MMP19: variants seen among roughly 807,000 people sequenced by gnomAD.
MMP19 encodes matrix metalloproteinase-19.
Under a neutral mutation model 46.6 loss-of-function variants are expected in MMP19, and 47 were observed. That is an observed-to-expected ratio of 1.01 (90% CI 0.80 to 1.29). The LOEUF (loss-of-function observed/expected upper bound fraction) is 1.29. MMP19 is among the 50% of genes most tolerant of loss of function. The pLI is 0.00. For missense variants in MMP19, 589 were observed against 643.5 expected (o/e 0.92, Z 0.92); for synonymous variants, 222 against 248.5 (o/e 0.89, Z 1.00).
chr12:55,842,299 GGAA>G, intron 2 of MMP19, 51 bp downstream of exon 2: 19 of 1,436,270 alleles, frequency 1.3e-5, no homozygotes, highest in Non-Finnish European at 1.8e-5. Context: ...GGGATGAGAA[GGAA>G]GAAGACCTTG....
At chr12:55,837,776 C>T (rs1285641871) in intron 7 of MMP19, 67 bp downstream of exon 7, 1 of 1,596,812 alleles carries the variant, frequency 6.3e-7, no homozygotes, top group Non-Finnish European at 8.5e-7. Context: ...TTCTCATCTC[C>T]CTCCCTTTTA....
Position 55,840,734 on chromosome 12 carries a change from C to T in MMP19, c.453G>A (p.Ala151=), listed in dbSNP as rs768729991. 1.9e-5 allele frequency: 30 copies of T among 1,613,904 alleles called. No individual in the cohort carries two copies. The highest frequency in any genetic ancestry group is 1.0e-4 in the Admixed American group (6 of 59,976). ...PLTFQEVQAG[A]ADIRLSFHGR... ...CATGGAAGGAGAGGCGGATGTCAGC[C>T]GCACCAGCCTGCACCTCTTGGAAGG... The change falls in exon 4 of 9, where the codon GCG becomes GCA. Residue 151 remains alanine (A), a synonymous_variant. Coordinates refer to ENST00000322569, the MANE Select transcript of MMP19 (RefSeq NM_002429.6).
At position 55,836,119 on chromosome 12, in the gene MMP19, T is replaced by G. The variant is rs949922959; in HGVS notation, c.*917A>C. The G allele has an allele frequency of 3.3e-5, 5 of 152,250 alleles. No individual in the cohort carries two copies. Among genetic ancestry groups the G allele is most frequent in the African/African-American group, 1.2e-4 (5 of 41,446 alleles). 9.4% of individuals were successfully genotyped at this position (152,250 alleles called of 1,614,324 possible). On this transcript the variant is annotated 3_prime_UTR_variant, in exon 9 of 9. Coordinates refer to ENST00000322569, the MANE Select transcript of MMP19 (RefSeq NM_002429.6). ...CTAACTCTTCCCCCTCTGACTCTCC[T>G]GCGCAGGGTCTGTTCCTGGTTTCCC...
Position 55,838,002 on chromosome 12 carries a change from G to A in MMP19, c.901C>T (p.Arg301Cys), listed in dbSNP as rs752217104. The A allele has an allele frequency of 1.6e-5, 26 of 1,581,090 alleles. No individual in the cohort carries two copies. Among genetic ancestry groups the A allele is most frequent in the Admixed American group, 8.7e-5 (5 of 57,448 alleles). ...SELDAMMLGP[R>C]GKTYAFKGDY... ...CCCTTGAAAGCATAGGTCTTCCCAC[G>A]GGGCCCTGAGCGTAATGGTGTGTCA... Residue 301 changes from arginine (R) to cysteine (C), a missense_variant, in exon 7 of 9, where the codon CGT becomes TGT. Arg to Cys is a radical substitution (Grantham distance 180, BLOSUM62 -3). Transcript: ENST00000322569.
intron 2 of MMP19, 147 bp from the exon 3 acceptor site, chr12:55,841,383 TCCTCA>T: frequency 2.6e-6 from 2 of 781,550 alleles, no homozygotes; most frequent in Non-Finnish European, 4.1e-6. Flanking sequence ...CAGCCTCCAG[TCCTCA>T]TAACTGGGAC....
rs947691718 is a variant in MMP19, at chr12:55,839,538, T to A, written c.724A>T (p.Lys242Ter). 1 of 1,613,426 alleles carries A rather than the reference T, an allele frequency of 6.2e-7. No homozygotes were observed. Among genetic ancestry groups the A allele is most frequent in the Non-Finnish European group, 8.5e-7 (1 of 1,179,466 alleles). Reference sequence around the variant, plus strand: ...CCTGCCACATCATCTGGGTGCAGCTTAAAGTGGGGCCGGTAGCCCTCGTAG... The same window carrying A: ...CCTGCCACATCATCTGGGTGCAGCTAAAAGTGGGGCCGGTAGCCCTCGTAG... ...PVYEGYRPHFKLHPDDVAGIQ... is the reference protein window; with the variant it reads ...PVYEGYRPHF Residue 242 changes from lysine (K) to a stop codon, truncating the protein, a stop_gained, in exon 5 of 9, where the codon AAG becomes TAG. Coordinates refer to ENST00000322569, the MANE Select transcript of MMP19 (RefSeq NM_002429.6). LOFTEE classifies it high-confidence loss of function.
At position 55,840,880 on chromosome 12, in the gene MMP19, G is replaced by A. The variant is rs17844794; in HGVS notation, c.307C>T (p.Arg103Cys). The A allele has an allele frequency of 1.5e-3, 2,364 of 1,578,920 alleles. 29 individuals carry two copies. The African/African-American group carries it at 0.029, about 19-fold the overall frequency. ...AAAGTCAGGTGCTTCTTTCTCCAGC[G>A]GCCTAGTTAATGACCAGAAAACAGA... Reference protein sequence around the residue: ...QKTLKYLLLGRWRKKHLTFRI... With the variant: ...QKTLKYLLLGCWRKKHLTFRI... The change falls in exon 4 of 9, where the codon CGC (arginine) becomes TGC (cysteine). Residue 103 changes from arginine to cysteine, a missense_variant and splice_region_variant. Physicochemically the swap from Arg to Cys is radical, Grantham distance 180 (BLOSUM62 -3). Coordinates refer to ENST00000322569, the MANE Select transcript of MMP19 (RefSeq NM_002429.6).
In MMP19 at chr12:55,841,116, G is replaced by A. The variant is rs1881661651; in HGVS notation, c.294C>T (p.Tyr98=). ...EDPFNQKTLK[Y]LLLGRWRKKH... is the part of the protein sequence containing the mutation. ...AGGCTCTGTTCTCACCCAGCAACAG[G>A]TATTTAAGGGTCTTCTGGTTGAAGG... is the stretch of plus-strand genomic sequence containing the variant. The change falls in exon 3 of 9, where the codon TAC becomes TAT. Residue 98 remains tyrosine, a synonymous_variant. Coordinates refer to ENST00000322569, the MANE Select transcript of MMP19 (RefSeq NM_002429.6). 6.2e-7 allele frequency: 1 copy of A among 1,612,278 alleles called. No homozygotes were observed. The highest frequency in any genetic ancestry group is 1.3e-5 in the African/African-American group (1 of 74,844).
chr12:55,840,926 G>T, intron 3 of MMP19, 44 bp from the exon 4 acceptor site: 1 of 1,538,782 alleles, frequency 6.5e-7, no homozygotes. Flanking sequence ...AGATCCTTCT[G>T]CCAACCCCAG....
chr12:55,838,377 A>C, intron 6 of MMP19: 1 of 860,658 alleles, frequency 1.2e-6, no homozygotes, highest in Non-Finnish European at 1.9e-6. Flanking sequence ...GATGTGTTCT[A>C]GTGGCCCTTA....
chr12:55,842,473 G>T, intron 1 of MMP19, 35 bp from the exon 2 acceptor site: 1 of 1,507,294 alleles, frequency 6.6e-7, no homozygotes, highest in Non-Finnish European at 9.2e-7. Flanking sequence ...GGTTAAAAGG[G>T]GGTTAGTCTC....
At chr12:55,842,582 G>A in intron 1 of MMP19, 144 bp from the exon 2 acceptor site, 1 of 871,056 alleles carries the variant, frequency 1.1e-6, no homozygotes. Flanking sequence ...GGGCTCAGGT[G>A]GAACAAGGGG....
intron 1 of MMP19, 33 bp downstream of exon 1, chr12:55,842,711 C>A (rs373082562): frequency 6.4e-7 from 1 of 1,552,128 alleles, no homozygotes; most frequent in Non-Finnish European, 8.8e-7. Flanking sequence ...CCTGTCCCTC[C>A]GCTGGCCCAG....
chr12:55,836,729 T>G lies in MMP19; in HGVS notation c.*307A>C, dbSNP rs1280952728. ...CCACCATTGACCTCCAGAGAAGAGA[T>G]GACACAGTTGGAAGGGCTGTCTAAG... On this transcript the variant is annotated 3_prime_UTR_variant, in exon 9 of 9. Transcript: ENST00000322569. 1 of 232,904 alleles carries G rather than the reference T, an allele frequency of 4.3e-6. No individual in the cohort carries two copies. Among genetic ancestry groups the G allele is most frequent in the African/African-American group, 2.3e-5 (1 of 44,106 alleles). The allele number at this position is 232,904 out of a possible 1,614,324, so 14.4% of individuals were successfully genotyped here. A position where few individuals can be genotyped will look rare whatever the true frequency, so the allele number is the denominator to read the frequency against.
intron 2 of MMP19, chr12:55,841,520 TTC>T (rs1164334341): frequency 9.0e-5 from 23 of 256,096 alleles, no homozygotes; most frequent in Non-Finnish European, 1.5e-4. Flanking sequence ...TCTTCCTTCC[TTC>T]CTTCCTTCCT....
intron 3 of MMP19, 26 bp downstream of exon 3, chr12:55,841,080 C>G (rs1190977678): frequency 1.2e-6 from 2 of 1,604,516 alleles, no homozygotes; most frequent in Non-Finnish European, 1.7e-6. Context: ...CCTCCTCTCC[C>G]TCTCTTTTCC....
Position 55,838,639 on chromosome 12 carries a change from G to A in MMP19, c.862C>T (p.Pro288Ser). Residue 288 changes from proline to serine, a missense_variant, in exon 6 of 9, where the codon CCT becomes TCT. By Grantham distance (74) the Pro-to-Ser change is moderately conservative. Coordinates refer to ENST00000322569, the MANE Select transcript of MMP19 (RefSeq NM_002429.6). ...VPTEPSPMPD[P>S]CSSELDAMML... The stretch of plus-strand genomic sequence containing the variant: ...ATGGCATCCAGTTCACTACTGCAAG[G>A]GTCTGGCATGGGACTGGGTTCTGTG... The A allele has an allele frequency of 6.2e-7, 1 of 1,614,142 alleles. No individual in the cohort carries two copies. Among genetic ancestry groups the A allele is most frequent in the Non-Finnish European group, 8.5e-7 (1 of 1,180,012 alleles).
At chr12:55,841,312 C>T in intron 2 of MMP19, 76 bp from the exon 3 acceptor site, 1 of 1,538,382 alleles carries the variant, frequency 6.5e-7, no homozygotes, top group Non-Finnish European at 8.9e-7. Flanking sequence ...TCTTTGACTT[C>T]CTGCTGCCCA....
chr12:55,841,276 A>G (rs1881677125), intron 2 of MMP19, 40 bp from the exon 3 acceptor site: 2 of 1,591,680 alleles, frequency 1.3e-6, no homozygotes, highest in Admixed American at 1.7e-5. Flanking sequence ...GGACAGGAAA[A>G]TCTGAAATGA....
Sources: gnomAD v4.1 joint callset for allele counts on GRCh38, gnomAD v4.1.1 for gene constraint, MANE v1.5 for transcripts, NCBI Gene and HGNC (gene_info 2026-07-23, HGNC 2026-07-21) for gene names.